PCNX2: variants seen among roughly 807,000 people sequenced by gnomAD.
PCNX2 encodes the protein pecanex 2.
PCNX2 carries 168 observed loss-of-function variants against 223.8 expected under a neutral mutation model. The observed-to-expected ratio is 0.75, with a 90% CI of 0.66 to 0.85. PCNX2 has a LOEUF of 0.85. PCNX2 is among the 40% of genes least tolerant of loss of function. The pLI, the probability that PCNX2 is intolerant of heterozygous loss-of-function variation, is 0.00. For synonymous variants in PCNX2, 1,006 were observed against 1,052.6 expected, an observed-to-expected ratio of 0.96 and a Z score of 0.86; for missense variants, 2,507 against 2,675.5, an observed-to-expected ratio of 0.94 and a Z score of 1.39.
At chr1:233,073,001 C>A (rs562719600) in intron 23 of PCNX2, among the ~76,000 whole-genome samples, 1 of 152,292 alleles carries the variant, frequency 6.6e-6, no homozygotes, top group African/African-American at 2.4e-5. Flanking sequence ...GTGAAGTCAA[C>A]TGGTCCTGGG....
At chr1:233,002,706 A>T (rs1215056692) in intron 28 of PCNX2, among the ~76,000 whole-genome samples, 1 of 152,232 alleles carries the variant, frequency 6.6e-6, no homozygotes, top group African/African-American at 2.4e-5. Context: ...ATACAATCCT[A>T]AGCAAAAAGA....
chr1:233,202,660 A>T (rs887128051), intron 13 of PCNX2, among the ~76,000 whole-genome samples: 64 of 152,330 alleles, frequency 4.2e-4, no homozygotes, highest in African/African-American at 1.5e-3. Flanking sequence ...GTGTTTAGGG[A>T]AAGGTGAGTA....
chr1:233,120,168 AAAAAAAAAAAAAAAAAGAAATAAAAAG>A (rs1675694064), intron 21 of PCNX2, among the ~76,000 whole-genome samples: 1 of 145,696 alleles, frequency 6.9e-6, no homozygotes, highest in East Asian at 2.0e-4. Context: ...CCATTTCAAA[AAAAAAAAAAAAAAAAAGAAATAAAAAG>A]AAAAAAGAAA....
chr1:233,025,433 A>AT, intron 25 of PCNX2, 34 bp from the exon 26 acceptor site: 1 of 1,608,340 alleles, frequency 6.2e-7, no homozygotes. Flanking sequence ...AAGTTTGAAG[A>AT]GAAGGCATGC....
intron 1 of PCNX2, among the ~76,000 whole-genome samples, chr1:233,275,082 A>G (rs983376501): frequency 6.6e-6 from 1 of 152,248 alleles, no homozygotes; most frequent in Non-Finnish European, 1.5e-5. Context: ...CAAAAACAGT[A>G]AAGTGTGATA....
At chr1:232,989,435 A>C (rs1193734009) in intron 32 of PCNX2, among the ~76,000 whole-genome samples, 8 of 152,018 alleles carry the variant, frequency 5.3e-5, no homozygotes, top group South Asian at 2.1e-4. Flanking sequence ...GCCTGGGTGA[A>C]AGAGTGAGAC....
At chr1:233,070,575 T>A (rs147164598) in intron 23 of PCNX2, among the ~76,000 whole-genome samples, 131 of 152,140 alleles carry the variant, frequency 8.6e-4, no homozygotes, top group African/African-American at 3.0e-3. Context: ...AATCAGTCAG[T>A]ATAAGCCACC....
At chr1:233,033,669 C>A (rs956565861) in intron 25 of PCNX2, among the ~76,000 whole-genome samples, 2 of 152,134 alleles carry the variant, frequency 1.3e-5, no homozygotes, top group Non-Finnish European at 2.9e-5. Flanking sequence ...CGGTGCAGGA[C>A]GCTAGAATAT....
At chr1:233,250,593 C>T in intron 8 of PCNX2, 146 bp downstream of exon 8, 1 of 1,314,570 alleles carries the variant, frequency 7.6e-7, no homozygotes, top group Non-Finnish European at 9.7e-7. Flanking sequence ...GTCAGATTTC[C>T]TTTTTCTTTC....
At chr1:233,309,039 A>G in the PCNX2 span, among the ~76,000 whole-genome samples, 1 of 152,114 alleles carries the variant, frequency 6.6e-6, no homozygotes, top group Non-Finnish European at 1.5e-5. Flanking sequence ...AAAGTAATAA[A>G]AAGAGGCAAA....
At chr1:233,211,410 T>C (rs1457575919) in intron 12 of PCNX2, among the ~76,000 whole-genome samples, 2 of 151,958 alleles carry the variant, frequency 1.3e-5, no homozygotes, top group Non-Finnish European at 2.9e-5. Context: ...AGCTCACTGC[T>C]GCCTCCCTCT....
intron 23 of PCNX2, among the ~76,000 whole-genome samples, chr1:233,061,603 A>G (rs1231234159): frequency 6.6e-6 from 1 of 152,186 alleles, no homozygotes; most frequent in African/African-American, 2.4e-5. Context: ...ATGGTCTTGA[A>G]TAAAAATGGT....
intron 13 of PCNX2, 82 bp from the exon 14 acceptor site, chr1:233,200,346 C>G: frequency 5.6e-6 from 5 of 888,222 alleles, no homozygotes; most frequent in Non-Finnish European, 5.0e-6. Flanking sequence ...TCTCTCTCCC[C>G]TTCCAAACCA....
At chr1:233,087,797 T>G (rs1167997156) in intron 23 of PCNX2, among the ~76,000 whole-genome samples, 1 of 152,104 alleles carries the variant, frequency 6.6e-6, no homozygotes, top group Non-Finnish European at 1.5e-5. Flanking sequence ...GAAAATTTCC[T>G]TCCACTTGGC....
At position 233,263,121 on chromosome 1, in the gene PCNX2, C is replaced by T; in HGVS notation, c.196G>A (p.Ala66Thr). 6.8e-6 allele frequency: 11 copies of T among 1,612,738 alleles called. No individual in the cohort carries two copies. Among genetic ancestry groups the T allele is most frequent in the Non-Finnish European group, 9.3e-6 (11 of 1,179,228 alleles). The change falls in exon 2 of 34, where the codon GCA becomes ACA. Residue 66 changes from alanine to threonine, a missense_variant. Physicochemically the swap from Ala to Thr is moderately conservative, Grantham distance 58. Transcript: ENST00000258229. ...NAIIVFFYCS[A>T]VTIFFTIIKL... ...ATTATTGTGAAGAATATAGTCACTG[C>T]ACTGCAGTAGAAAAATACAATGATC...
the PCNX2 span, among the ~76,000 whole-genome samples, chr1:233,308,958 G>A: frequency 6.6e-6 from 1 of 152,064 alleles, no homozygotes; most frequent in African/African-American, 2.4e-5. Context: ...ATACAAATGA[G>A]TCTTAGAGAA....
chr1:233,128,191 C>T (rs533792321), intron 21 of PCNX2, among the ~76,000 whole-genome samples: 4 of 152,276 alleles, frequency 2.6e-5, no homozygotes, highest in Admixed American at 2.0e-4. Flanking sequence ...CCATGTTGAA[C>T]TAATGGCCTG....
chr1:232,984,281 C>T lies in PCNX2; in HGVS notation c.*23G>A, dbSNP rs746380906. 7.7e-6 allele frequency: 12 copies of T among 1,564,174 alleles called. No homozygotes were observed. Among genetic ancestry groups the T allele is most frequent in the South Asian group, 3.6e-5 (3 of 83,290 alleles). On this transcript the variant is annotated 3_prime_UTR_variant, in exon 34 of 34. Coordinates refer to ENST00000258229, the MANE Select transcript of PCNX2 (RefSeq NM_014801.4). ...AGGTGGGAGGTGTGGGGGAGCCAGCCTCCCCGCCCGGCCGCACGCCCGTCA... is the reference window on the plus strand; with the variant it reads ...AGGTGGGAGGTGTGGGGGAGCCAGCTTCCCCGCCCGGCCGCACGCCCGTCA...
chr1:233,317,948 G>C, the PCNX2 span, among the ~76,000 whole-genome samples: 97 of 152,342 alleles, frequency 6.4e-4, no homozygotes, highest in African/African-American at 2.2e-3. Context: ...GTTAATCGCA[G>C]TGTTATATTC....
Sources: allele counts gnomAD v4.1 joint callset (sites outside exome capture counted in the v4.1 genomes callset), GRCh38; gene constraint gnomAD v4.1.1; transcripts MANE v1.5; gene names NCBI Gene and HGNC (gene_info 2026-07-23, HGNC 2026-07-21).